Variants in GIGYF2 observed in about 807,000 individuals in gnomAD.
GIGYF2 encodes GRB10 interacting GYF protein 2.
Under a neutral mutation model 208.1 loss-of-function variants are expected in GIGYF2, and 25 were observed. The observed-to-expected ratio is 0.12, with a 90% confidence interval of 0.09 to 0.17. GIGYF2 has a LOEUF of 0.17. Among genes scored for constraint, GIGYF2 ranks in the 10% least tolerant of loss-of-function variants. The pLI is 1.00. For synonymous variants in GIGYF2, 534 were observed against 543.8 expected (o/e 0.98, Z 0.25); for missense variants, 1,302 against 1,579.4 (o/e 0.82, Z 2.98).
At chr2:232,736,116 C>T (rs946841123) in intron 3 of GIGYF2, 63 of 961,354 alleles carry the variant, frequency 6.6e-5, no homozygotes, top group Middle Eastern at 5.4e-4. Flanking sequence ...TATGTAATCT[C>T]GAAGTTTTCT....
At chr2:232,718,728 A>G (rs1696809288) in intron 2 of GIGYF2, among the ~76,000 whole-genome samples, 1 of 152,208 alleles carries the variant, frequency 6.6e-6, no homozygotes, top group South Asian at 2.1e-4. Flanking sequence ...ATCTGGCTAA[A>G]CTAAAAATTG....
At chr2:232,817,119 G>C in intron 20 of GIGYF2, 87 bp downstream of exon 20, 1 of 1,005,342 alleles carries the variant, frequency 9.9e-7, no homozygotes, top group Non-Finnish European at 1.6e-6. Flanking sequence ...AGATACTCCT[G>C]AAGTCCACAG....
At chr2:232,851,793 G>T (rs1392715329) in intron 28 of GIGYF2, among the ~76,000 whole-genome samples, 1 of 152,164 alleles carries the variant, frequency 6.6e-6, no homozygotes, top group Non-Finnish European at 1.5e-5. Context: ...GAATACATTC[G>T]CAAGGATGGA....
intron 1 of GIGYF2, among the ~76,000 whole-genome samples, chr2:232,700,211 G>A (rs1167084559): frequency 1.3e-5 from 2 of 152,178 alleles, no homozygotes; most frequent in African/African-American, 2.4e-5. Flanking sequence ...GCATAGTGAT[G>A]GTAGTGATGA....
intron 8 of GIGYF2, chr2:232,776,566 G>T: frequency 3.9e-6 from 3 of 772,078 alleles, no homozygotes; most frequent in Non-Finnish European, 4.5e-6. Context: ...TTCTTGGACT[G>T]GTTTTACAGC....
chr2:232,840,136 T>C (rs1282900339), intron 23 of GIGYF2, among the ~76,000 whole-genome samples, 165 bp downstream of exon 23: 3 of 152,156 alleles, frequency 2.0e-5, no homozygotes, highest in Non-Finnish European at 4.4e-5. Context: ...CCCTAGCAAA[T>C]GTGAAGGATC....
intron 15 of GIGYF2, among the ~76,000 whole-genome samples, chr2:232,807,737 C>CT (rs901407178): frequency 1.6e-4 from 24 of 151,352 alleles, no homozygotes; most frequent in Admixed American, 1.1e-3. Flanking sequence ...TACCATAAAC[C>CT]TTTTTTTTTC....
At chr2:232,844,883 T>C (rs58466616) in intron 25 of GIGYF2, among the ~76,000 whole-genome samples, 12,010 of 152,276 alleles carry the variant, frequency 0.079, 599 homozygotes, top group East Asian at 0.17. Context: ...AGGTATTCTC[T>C]AGATACCTTA....
intron 20 of GIGYF2, among the ~76,000 whole-genome samples, 200 bp from the exon 21 acceptor site, chr2:232,819,627 C>A (rs1273810065): frequency 6.6e-6 from 1 of 152,002 alleles, no homozygotes; most frequent in Non-Finnish European, 1.5e-5. Flanking sequence ...ATTTTAAATT[C>A]AATTTTCTTT....
At chr2:232,847,640 A>G in intron 27 of GIGYF2, 69 bp downstream of exon 27, 1 of 1,580,866 alleles carries the variant, frequency 6.3e-7, no homozygotes, top group South Asian at 1.1e-5. Context: ...TAACCCAAGA[A>G]ATGAAAATTA....
At position 232,777,232 on chromosome 2, in the gene GIGYF2, C is replaced by T. The variant is rs958754442; in HGVS notation, c.533-9918C>T. ...AAAGAACCGAAGAATTTTCTTAAGG[C>T]TTATTTTAATGATGTTTAGAAGATG... On this transcript the variant is annotated intron_variant, in intron 8 of 28. Transcript: ENST00000373563. 5.9e-5 allele frequency among the ~76,000 whole-genome samples: 9 copies of T among 151,966 alleles called. No individual in the cohort carries two copies. In the East Asian group the frequency reaches 1.7e-3, roughly 29 times the overall value.
intron 14 of GIGYF2, among the ~76,000 whole-genome samples, chr2:232,800,201 G>T (rs1381419264): frequency 6.7e-6 from 1 of 150,138 alleles, no homozygotes; most frequent in Admixed American, 6.7e-5. Flanking sequence ...AATCATTATT[G>T]TATCCAATGT....
At chr2:232,854,038 T>A (rs1350685781) in intron 28 of GIGYF2, among the ~76,000 whole-genome samples, 1 of 152,258 alleles carries the variant, frequency 6.6e-6, no homozygotes, top group Non-Finnish European at 1.5e-5. Context: ...ACACTTCCAC[T>A]TCTTTTGCAT....
Position 232,845,724 on chromosome 2 carries a change from T to C in GIGYF2, c.3306-8T>C. The C allele has an allele frequency of 6.3e-7, 1 of 1,588,502 alleles. No homozygotes were observed. Among genetic ancestry groups the C allele is most frequent in the Non-Finnish European group, 8.6e-7 (1 of 1,156,644 alleles). On this transcript the variant is annotated splice_region_variant and splice_polypyrimidine_tract_variant and intron_variant, in intron 25 of 28. Transcript: ENST00000373563. ...GGAATATAATATCACCCTATTGTTT[T>C]GCTTTAGTAAATCTGTAGGTGTGTC... is the stretch of plus-strand genomic sequence containing the variant.
chr2:232,767,221 G>C (rs982752400), intron 8 of GIGYF2: 4 of 152,030 alleles, frequency 2.6e-5, no homozygotes, highest in Admixed American at 1.3e-4. Context: ...ATGCTTTGTT[G>C]CCTAATTATC....
In GIGYF2 at chr2:232,844,213, G is replaced by GCAGCAGCAACAC; in HGVS notation, c.3063_3074dup (p.Gln1022_Gln1025dup). 6.4e-7 allele frequency: 1 copy of GCAGCAGCAACAC among 1,564,138 alleles called. No individual in the cohort carries two copies. Among genetic ancestry groups the GCAGCAGCAACAC allele is most frequent in the Non-Finnish European group, 8.7e-7 (1 of 1,153,040 alleles). ...GGCAAATGCAAAAGCAGCAGCAGCA[G>GCAGCAGCAACAC]CAGCAGCAACACCAGCAACCAAACA... is the stretch of plus-strand genomic sequence containing the variant. On this transcript the variant is annotated inframe_insertion, in exon 24 of 29. Transcript: ENST00000373563.
At chr2:232,782,932 A>G (rs1699769088) in intron 8 of GIGYF2, among the ~76,000 whole-genome samples, 1 of 152,184 alleles carries the variant, frequency 6.6e-6, no homozygotes, top group African/African-American at 2.4e-5. Flanking sequence ...TCTAGGTGGT[A>G]GTTAAATTAT....
At chr2:232,729,825 T>C (rs1697371054) in intron 2 of GIGYF2, 3 of 744,954 alleles carry the variant, frequency 4.0e-6, no homozygotes, top group Admixed American at 1.7e-5. Context: ...TCGATTCATA[T>C]TGTGGAAGGT....
At chr2:232,845,945 G>C (rs974562253) in intron 26 of GIGYF2, 59 bp downstream of exon 26, 39 of 1,218,312 alleles carry the variant, frequency 3.2e-5, no homozygotes, top group Middle Eastern at 1.9e-4. Context: ...CCACAGAGAG[G>C]CTGGCAAATT....
Sources: gnomAD v4.1 joint callset for allele counts (sites outside exome capture counted in the v4.1 genomes callset) on GRCh38, gnomAD v4.1.1 for gene constraint, MANE v1.5 for transcripts, NCBI Gene and HGNC (gene_info 2026-07-23, HGNC 2026-07-21) for gene names.